The following CASQ2 variants were observed in gnomAD, a reference collection of about 807,000 sequenced individuals.
CASQ2 encodes the protein calsequestrin 2, also known as calsequestrin-2.
CASQ2 carries 49 observed loss-of-function variants against 46.5 expected under a neutral mutation model. That is an observed-to-expected ratio of 1.05 (90% confidence interval 0.84 to 1.34). The LOEUF is 1.34. CASQ2 is among the 40% of genes most tolerant of loss of function. The pLI, the probability that CASQ2 is intolerant of heterozygous loss-of-function variation, is 0.00. For missense variants in CASQ2, 486 were observed against 481.3 expected (o/e 1.01, Z -0.09); for synonymous variants, 174 against 168.5 (o/e 1.03, Z -0.25).
chr1:115,718,840 G>A (rs914749781), intron 7 of CASQ2, among the ~76,000 whole-genome samples: 3 of 152,292 alleles, frequency 2.0e-5, no homozygotes, highest in Middle Eastern at 3.4e-3. Flanking sequence ...AGAAAGAGGA[G>A]CTAGAGCTTG....
chr1:115,716,309 A>G (rs1654699112), intron 8 of CASQ2, among the ~76,000 whole-genome samples: 1 of 152,208 alleles, frequency 6.6e-6, no homozygotes, highest in Admixed American at 6.5e-5. Flanking sequence ...CCAAGTTCCA[A>G]AAACAAAGTT....
Position 115,740,637 on chromosome 1 carries a change from T to C in CASQ2, c.420+91A>G, listed in dbSNP as rs900886810. 4 of 846,678 alleles carry C rather than the reference T, an allele frequency of 4.7e-6. No homozygotes were observed. In the African/African-American group the frequency reaches 6.7e-5, roughly 14 times the overall value. 52.4% of individuals were successfully genotyped at this position (846,678 alleles called of 1,614,324 possible). On this transcript the variant is annotated intron_variant, in intron 3 of 10. Transcript: ENST00000261448. The stretch of plus-strand genomic sequence containing the variant: ...AAAACCTGTCACAGATGAGGCCAGG[T>C]TCTCCAGCTTGTCCTTTCTTTGGGG...
intron 5 of CASQ2, among the ~76,000 whole-genome samples, chr1:115,730,036 T>G (rs980099807): frequency 1.3e-5 from 2 of 152,218 alleles, no homozygotes; most frequent in African/African-American, 4.8e-5. Flanking sequence ...TTCTAACTGC[T>G]TCTTCAGAGA....
intron 1 of CASQ2, among the ~76,000 whole-genome samples, chr1:115,759,342 G>A (rs1648863867): frequency 6.6e-6 from 1 of 152,238 alleles, no homozygotes; most frequent in South Asian, 2.1e-4. Flanking sequence ...GGGTAAGTGA[G>A]TTTTAATGAG....
chr1:115,744,897 G>C lies in CASQ2; in HGVS notation c.250C>G (p.Leu84Val), dbSNP rs1274422352. ...ACAAAGCCTATAGCTTTATGTTCAAGGACCTGGGCCACAAGCTGAAGAAAC... is the reference window on the plus strand; with the variant it reads ...ACAAAGCCTATAGCTTTATGTTCAACGACCTGGGCCACAAGCTGAAGAAAC... ...EIVLELVAQV[L>V]EHKAIGFVMV... is the part of the protein sequence containing the mutation. Residue 84 changes from leucine to valine, a missense_variant, in exon 2 of 11, where the codon CTT becomes GTT. By Grantham distance (32) the Leu-to-Val change is conservative. Coordinates refer to ENST00000261448, the MANE Select transcript of CASQ2 (RefSeq NM_001232.4). The C allele has an allele frequency of 3.7e-6, 6 of 1,613,104 alleles. No homozygotes were observed. The highest frequency in any genetic ancestry group is 5.1e-6 in the Non-Finnish European group (6 of 1,179,390).
intron 1 of CASQ2, among the ~76,000 whole-genome samples, chr1:115,761,522 A>G (rs975778759): frequency 3.8e-5 from 4 of 105,676 alleles, no homozygotes; most frequent in Non-Finnish European, 6.1e-5. Context: ...AAGAAGAAGA[A>G]GAAGAAGAGT....
At chr1:115,765,835 C>A (rs1384227590) in intron 1 of CASQ2, among the ~76,000 whole-genome samples, 1 of 152,170 alleles carries the variant, frequency 6.6e-6, no homozygotes, top group Non-Finnish European at 1.5e-5. Context: ...TCCTCTTTTC[C>A]CCCTACCCCC....
intron 2 of CASQ2, among the ~76,000 whole-genome samples, chr1:115,742,700 C>T (rs1033221824): frequency 2.0e-5 from 3 of 152,168 alleles, no homozygotes; most frequent in African/African-American, 7.2e-5. Flanking sequence ...TGCAACTTCT[C>T]ATTAAACCAA....
At chr1:115,717,400 C>T (rs1654737916) in intron 8 of CASQ2, among the ~76,000 whole-genome samples, 1 of 152,166 alleles carries the variant, frequency 6.6e-6, no homozygotes, top group Non-Finnish European at 1.5e-5. Flanking sequence ...ACGATTTCAT[C>T]CCCTTACCCA....
intron 5 of CASQ2, 93 bp downstream of exon 5, chr1:115,732,808 T>A: frequency 1.1e-6 from 1 of 874,812 alleles, no homozygotes; most frequent in South Asian, 1.3e-5. Flanking sequence ...GGATGGTTAA[T>A]GTTGCTAAAA....
intron 1 of CASQ2, among the ~76,000 whole-genome samples, chr1:115,751,629 G>A (rs1040267932): frequency 2.6e-5 from 4 of 151,716 alleles, no homozygotes; most frequent in Non-Finnish European, 4.4e-5. Flanking sequence ...CCGAGATTGC[G>A]CCACTGCACT....
intron 1 of CASQ2, among the ~76,000 whole-genome samples, chr1:115,750,326 A>G (rs914573146): frequency 1.3e-5 from 2 of 152,184 alleles, no homozygotes; most frequent in African/African-American, 4.8e-5. Flanking sequence ...TTGTTTGGTC[A>G]GTTACCTCTC....
intron 8 of CASQ2, among the ~76,000 whole-genome samples, chr1:115,707,397 C>T (rs1221196208): frequency 2.0e-5 from 3 of 152,092 alleles, no homozygotes; most frequent in South Asian, 2.1e-4. Flanking sequence ...TCTTTTAATC[C>T]GTGCTCATAA....
At chr1:115,746,169 T>TC (rs1648383071) in intron 1 of CASQ2, among the ~76,000 whole-genome samples, 1 of 151,978 alleles carries the variant, frequency 6.6e-6, no homozygotes. Context: ...CTGTTTTTTT[T>TC]TTTATTGCTG....
At chr1:115,724,002 C>T (rs1557791764) in intron 7 of CASQ2, among the ~76,000 whole-genome samples, 1 of 152,190 alleles carries the variant, frequency 6.6e-6, no homozygotes, top group Non-Finnish European at 1.5e-5. Context: ...AAGTTACAGA[C>T]CAGTAAAACA....
intron 5 of CASQ2, among the ~76,000 whole-genome samples, chr1:115,728,712 G>T (rs1187251747): frequency 6.6e-6 from 1 of 152,176 alleles, no homozygotes; most frequent in Non-Finnish European, 1.5e-5. Flanking sequence ...CACTTTGATT[G>T]TATGTGGTAA....
chr1:115,761,488 GAGAAGAA>G (rs1648953864), intron 1 of CASQ2, among the ~76,000 whole-genome samples: 4 of 13,118 alleles, frequency 3.0e-4, no homozygotes, highest in Non-Finnish European at 5.4e-4. Flanking sequence ...GAAGAAGAAG[GAGAAGAA>G]GGAGAAGAAG....
chr1:115,764,484 C>T (rs552109454), intron 1 of CASQ2, among the ~76,000 whole-genome samples: 3 of 152,134 alleles, frequency 2.0e-5, no homozygotes, highest in Non-Finnish European at 4.4e-5. Flanking sequence ...TAGTTCTTTT[C>T]CACATACTCT....
chr1:115,759,413 G>A (rs1272389361), intron 1 of CASQ2, among the ~76,000 whole-genome samples: 1 of 152,116 alleles, frequency 6.6e-6, no homozygotes, highest in African/African-American at 2.4e-5. Context: ...TGGCTTCTCT[G>A]TCTTTCTTTC....
Sources: gnomAD v4.1 joint callset for allele counts (sites outside exome capture counted in the v4.1 genomes callset) on GRCh38, gnomAD v4.1.1 for gene constraint, MANE v1.5 for transcripts, NCBI Gene and HGNC (gene_info 2026-07-23, HGNC 2026-07-21) for gene names.